ANK3: variants seen among roughly 807,000 people sequenced by gnomAD.
The protein encoded by ANK3 is ankyrin-3.
ANK3 carries 57 observed loss-of-function variants against 370.9 expected under a neutral mutation model. The observed-to-expected ratio is 0.15, with a 90% CI of 0.12 to 0.19. The LOEUF (loss-of-function observed/expected upper bound fraction) is 0.19, where lower values mean the gene tolerates loss of function less well. Among genes scored for constraint, ANK3 ranks in the 10% least tolerant of loss-of-function variants. ANK3 has a pLI of 1.00. For synonymous variants in ANK3, 1,929 were observed against 1,946.3 expected (o/e 0.99, Z 0.23); for missense variants, 4,439 against 5,302.1 (o/e 0.84, Z 5.06).
At chr10:60,451,999 C>T (rs1217964707) in intron 2 of ANK3, among the ~76,000 whole-genome samples, 2 of 152,232 alleles carry the variant, frequency 1.3e-5, no homozygotes, top group African/African-American at 4.8e-5. Flanking sequence ...GGCGCATTCG[C>T]TCTGTCTCGC....
chr10:60,408,289 G>A (rs1219325907), intron 2 of ANK3, among the ~76,000 whole-genome samples: 2 of 152,166 alleles, frequency 1.3e-5, no homozygotes, highest in Non-Finnish European at 2.9e-5. Context: ...CAGTGTTGGG[G>A]TGTGGCTTGG....
Position 60,668,652 on chromosome 10 carries a change from C to G in ANK3, c.58-53428G>C, listed in dbSNP as rs143509407. Among the ~76,000 whole-genome samples the G allele has an allele frequency of 1.2e-3, 186 of 152,192 alleles. 2 individuals are homozygous for G. Among genetic ancestry groups the G allele is most frequent in the African/African-American group, 4.2e-3 (175 of 41,540 alleles). Reference sequence around the variant, plus strand: ...AAGTTTCAAGCAGGTGCACATCAGCCAGGCTCAGCTGTTACCCTCCAGAAA... The same window carrying G: ...AAGTTTCAAGCAGGTGCACATCAGCGAGGCTCAGCTGTTACCCTCCAGAAA... On this transcript the variant is annotated intron_variant, in intron 1 of 43. Transcript: ENST00000373827.
intron 8 of ANK3, among the ~76,000 whole-genome samples, chr10:60,218,920 A>C (rs958619798): frequency 2.0e-4 from 30 of 151,682 alleles, no homozygotes; most frequent in African/African-American, 7.3e-4. Flanking sequence ...CTCATATTCT[A>C]GTAGTAGGTC....
intron 41 of ANK3, among the ~76,000 whole-genome samples, chr10:60,056,716 C>CT (rs1446426670): frequency 6.6e-6 from 1 of 152,116 alleles, no homozygotes; most frequent in East Asian, 1.9e-4. Flanking sequence ...GAACGCTTCT[C>CT]TATCACCAGT....
At chr10:60,226,569 TA>T (rs2097163719) in intron 8 of ANK3, among the ~76,000 whole-genome samples, 1 of 20,740 alleles carries the variant, frequency 4.8e-5, no homozygotes, top group Non-Finnish European at 9.1e-5. Flanking sequence ...ATATACATAG[TA>T]TATGTATATA....
intron 2 of ANK3, among the ~76,000 whole-genome samples, chr10:60,514,924 TTG>T (rs1474565318): frequency 2.0e-5 from 3 of 152,058 alleles, no homozygotes; most frequent in African/African-American, 7.2e-5. Flanking sequence ...TTGTAGAGAG[TTG>T]TGTCTTTGGT....
At chr10:60,645,145 AT>A (rs1159163877) in intron 1 of ANK3, among the ~76,000 whole-genome samples, 1 of 152,020 alleles carries the variant, frequency 6.6e-6, no homozygotes, top group African/African-American at 2.4e-5. Flanking sequence ...TCCTAATGAG[AT>A]TTTTTTGATG....
chr10:60,178,723 C>G (rs753140981), intron 18 of ANK3, among the ~76,000 whole-genome samples: 29 of 152,280 alleles, frequency 1.9e-4, no homozygotes, highest in South Asian at 1.0e-3. Context: ...TTAAAGAAAT[C>G]CAGTGTAACT....
chr10:60,270,118 A>G lies in ANK3; in HGVS notation c.513+13T>C. ...TACGTGAACTCACCCACAGGAAAAA[A>G]ACAGTATCTTACCTCTGTGGCTAGG... On this transcript the variant is annotated intron_variant, in intron 5 of 43. Transcript: ENST00000280772. The G allele has an allele frequency of 6.6e-7, 1 of 1,522,242 alleles. No individual in the cohort carries two copies. 94.3% of individuals were successfully genotyped at this position (1,522,242 alleles called of 1,614,324 possible).
At chr10:60,612,505 T>C (rs2078213970) in intron 2 of ANK3, among the ~76,000 whole-genome samples, 1 of 152,184 alleles carries the variant, frequency 6.6e-6, no homozygotes, top group Non-Finnish European at 1.5e-5. Flanking sequence ...TTTCATTTTA[T>C]TTTTTAGATG....
At chr10:60,681,296 C>T (rs765434260) in intron 1 of ANK3, among the ~76,000 whole-genome samples, 1 of 152,198 alleles carries the variant, frequency 6.6e-6, no homozygotes, top group Non-Finnish European at 1.5e-5. Flanking sequence ...TGGTTTCCCA[C>T]TGCCCTCAGG....
rs1383880539 is a variant in ANK3 at position 60,073,591 on chromosome 10, T to C, written c.7290A>G (p.Ile2430Met). The change falls in exon 37 of 44, where the codon ATA becomes ATG. Residue 2430 changes from isoleucine (I) to methionine (M), a missense_variant. By Grantham distance (10) the Ile-to-Met change is conservative (BLOSUM62 1). Transcript: ENST00000280772. ...TCAATGTTTTATAAGAGTCATCAGA[T>C]ATGAGTTGAGCAGAACTAGGGCGGC... is the stretch of plus-strand genomic sequence containing the variant. ...EDSRPSSAQL[I>M]SDDSYKTLKL... 3.3e-5 allele frequency: 54 copies of C among 1,614,028 alleles called. No individual in the cohort carries two copies. Among genetic ancestry groups the C allele is most frequent in the Non-Finnish European group, 4.5e-5 (53 of 1,179,988 alleles).
Position 60,073,821 on chromosome 10 carries a change from G to T in ANK3, c.7060C>A (p.Pro2354Thr). The stretch of plus-strand genomic sequence containing the variant: ...TGATATACATACATTTCTTTTTCTG[G>T]ATGCTTTTTGGTTTCTCTAATAATG... The part of the protein sequence containing the change: ...EVIIRETKKH[P>T]EKEMYVYQKD... Residue 2354 changes from proline to threonine, a missense_variant, in exon 37 of 44, where the codon CCA becomes ACA. By Grantham distance (38) the Pro-to-Thr change is conservative. Coordinates refer to ENST00000280772, the MANE Select transcript of ANK3 (RefSeq NM_020987.5). 2.5e-6 allele frequency: 4 copies of T among 1,613,376 alleles called. No homozygotes were observed. Among genetic ancestry groups the T allele is most frequent in the Non-Finnish European group, 3.4e-6 (4 of 1,179,956 alleles).
intron 2 of ANK3, among the ~76,000 whole-genome samples, chr10:60,530,709 A>T (rs1567122904): frequency 6.6e-6 from 1 of 152,278 alleles, no homozygotes; most frequent in East Asian, 1.9e-4. Flanking sequence ...GGGAACGCAC[A>T]CACAGGGTTT....
rs749216942 is a variant in ANK3 at position 60,264,037 on chromosome 10, G to C, written c.514-17C>G. 2.5e-6 allele frequency: 4 copies of C among 1,597,356 alleles called. No individual in the cohort carries two copies. The highest frequency in any genetic ancestry group is 3.4e-6 in the Non-Finnish European group (4 of 1,166,988). ...GAAGCCATCCTGCAAATAAATGGAT[G>C]GGTCAAGATGGGCTCCAATGAATAT... is the stretch of plus-strand genomic sequence containing the variant. On this transcript the variant is annotated splice_polypyrimidine_tract_variant and intron_variant, in intron 5 of 43. Transcript: ENST00000280772.
chr10:60,140,493 C>A, intron 23 of ANK3: 1 of 1,567,618 alleles, frequency 6.4e-7, no homozygotes, highest in Non-Finnish European at 8.6e-7. Flanking sequence ...ACTCTCTTCA[C>A]CACCGCTGAA....
At chr10:60,131,018 C>A (rs545756612) in intron 25 of ANK3, among the ~76,000 whole-genome samples, 1 of 152,204 alleles carries the variant, frequency 6.6e-6, no homozygotes, top group Non-Finnish European at 1.5e-5. Context: ...TATCCACATG[C>A]ATTTTGGCTG....
chr10:60,579,512 G>A (rs901984327), intron 2 of ANK3, among the ~76,000 whole-genome samples: 1 of 151,896 alleles, frequency 6.6e-6, no homozygotes, highest in Non-Finnish European at 1.5e-5. Flanking sequence ...CCTCACCTGT[G>A]ACATCAAAAT....
At chr10:60,445,645 C>G (rs2064425826) in intron 2 of ANK3, among the ~76,000 whole-genome samples, 1 of 151,808 alleles carries the variant, frequency 6.6e-6, no homozygotes, top group Non-Finnish European at 1.5e-5. Context: ...TACCAGCCAA[C>G]AAAATTCCCT....
Sources: gnomAD v4.1 joint callset for allele counts (sites outside exome capture counted in the v4.1 genomes callset) on GRCh38, gnomAD v4.1.1 for gene constraint, MANE v1.5 for transcripts, NCBI Gene and HGNC (gene_info 2026-07-23, HGNC 2026-07-21) for gene names.